SGCZ: variants seen among roughly 807,000 people sequenced by gnomAD.
SGCZ encodes sarcoglycan zeta.
SGCZ carries 40 observed loss-of-function variants against 41.3 expected under a neutral mutation model. That is an observed-to-expected ratio of 0.97 (90% CI 0.75 to 1.26). The LOEUF is 1.26. Ranked by LOEUF, SGCZ falls within the 50% of genes most tolerant of loss-of-function variation. The probability of loss-of-function intolerance (pLI) is 0.00; values close to 1 mark genes in which losing one functional copy is unlikely to be tolerated. For missense variants in SGCZ, 552 were observed against 369.8 expected (o/e 1.49, Z -4.04); for synonymous variants, 206 against 137.5 (o/e 1.50, Z -3.49).
At chr8:14,629,780 T>C (rs573457788) in intron 1 of SGCZ, among the ~76,000 whole-genome samples, 81 of 152,172 alleles carry the variant, frequency 5.3e-4, no homozygotes, top group African/African-American at 1.8e-3. Context: ...ATCTGGAAAA[T>C]CATGTTAACT....
chr8:15,038,985 T>A (rs905455750), intron 1 of SGCZ, among the ~76,000 whole-genome samples: 3 of 151,960 alleles, frequency 2.0e-5, no homozygotes, highest in African/African-American at 7.2e-5. Context: ...AAGATAAACG[T>A]TGGTGAGAAT....
At chr8:15,102,450 G>A (rs962746918) in intron 1 of SGCZ, among the ~76,000 whole-genome samples, 2 of 152,154 alleles carry the variant, frequency 1.3e-5, no homozygotes, top group African/African-American at 2.4e-5. Context: ...ATGAATAAAT[G>A]ACATTATGCA....
chr8:14,734,233 C>T (rs1453080289), intron 1 of SGCZ, among the ~76,000 whole-genome samples: 2 of 151,932 alleles, frequency 1.3e-5, no homozygotes, highest in Non-Finnish European at 2.9e-5. Flanking sequence ...ATTGTGTTAT[C>T]AAGATTAAAT....
intron 3 of SGCZ, among the ~76,000 whole-genome samples, chr8:14,286,963 C>T (rs1280242822): frequency 1.3e-5 from 2 of 151,856 alleles, no homozygotes; most frequent in African/African-American, 2.4e-5. Context: ...TTCTTCATTA[C>T]CAGTGAGTTT....
At chr8:14,596,097 T>G (rs991562951) in intron 1 of SGCZ, among the ~76,000 whole-genome samples, 6 of 152,232 alleles carry the variant, frequency 3.9e-5, no homozygotes, top group Non-Finnish European at 1.5e-5. Context: ...CCAGACAGGT[T>G]GTGGTCTTTA....
chr8:14,314,892 C>T (rs1384794562), intron 3 of SGCZ, among the ~76,000 whole-genome samples: 2 of 152,006 alleles, frequency 1.3e-5, no homozygotes, highest in Non-Finnish European at 2.9e-5. Flanking sequence ...GCATACAACC[C>T]CTAGAAGGAG....
chr8:14,197,782 T>C (rs578225260), intron 4 of SGCZ, among the ~76,000 whole-genome samples: 1 of 152,120 alleles, frequency 6.6e-6, no homozygotes, highest in South Asian at 2.1e-4. Flanking sequence ...CCACTTTATT[T>C]TGCATCACAC....
At chr8:14,768,747 G>A (rs1800127704) in intron 1 of SGCZ, among the ~76,000 whole-genome samples, 1 of 151,940 alleles carries the variant, frequency 6.6e-6, no homozygotes, top group East Asian at 2.0e-4. Flanking sequence ...ACAGATGGAG[G>A]AAGGGAAGAG....
chr8:14,348,872 A>G (rs1230788232), intron 2 of SGCZ, among the ~76,000 whole-genome samples: 3 of 152,140 alleles, frequency 2.0e-5, no homozygotes, highest in Admixed American at 6.6e-5. Flanking sequence ...TCTTCATTTA[A>G]TTTTTAATTT....
In SGCZ at chr8:14,890,658, T is replaced by C. The variant is rs142996061; in HGVS notation, c.40-335732A>G. Among the ~76,000 whole-genome samples the C allele has an allele frequency of 4.9e-3, 747 of 152,308 alleles. 5 individuals are homozygous for C. The highest frequency in any genetic ancestry group is 0.024 in the East Asian group (122 of 5,176). The stretch of plus-strand genomic sequence containing the variant: ...AGCTATCCAGAAGATCTAGTGAGGA[T>C]AATTGATGAAAGTGGCTATTTTTAT... On this transcript the variant is annotated intron_variant, in intron 1 of 7. Coordinates refer to ENST00000382080, the MANE Select transcript of SGCZ (RefSeq NM_139167.4).
At chr8:14,189,169 CTTCT>C (rs1805010961) in intron 4 of SGCZ, among the ~76,000 whole-genome samples, 1 of 151,904 alleles carries the variant, frequency 6.6e-6, no homozygotes, top group African/African-American at 2.4e-5. Context: ...CCTCTTGTGT[CTTCT>C]TTGTCAAAAC....
chr8:15,038,499 AC>A (rs1304868104), intron 1 of SGCZ, among the ~76,000 whole-genome samples: 2 of 151,458 alleles, frequency 1.3e-5, no homozygotes, highest in African/African-American at 4.8e-5. Context: ...GAACTATAAA[AC>A]TACTAGAAAA....
At chr8:14,446,149 T>C (rs933653130) in intron 2 of SGCZ, among the ~76,000 whole-genome samples, 1 of 152,166 alleles carries the variant, frequency 6.6e-6, no homozygotes, top group Non-Finnish European at 1.5e-5. Context: ...CTCAGGCATA[T>C]ATACCACCAG....
chr8:14,424,650 T>A (rs1318890496), intron 2 of SGCZ, among the ~76,000 whole-genome samples: 1 of 152,212 alleles, frequency 6.6e-6, no homozygotes, highest in Non-Finnish European at 1.5e-5. Context: ...CATATTTACA[T>A]GCATGCCGTT....
intron 1 of SGCZ, among the ~76,000 whole-genome samples, chr8:15,136,916 C>A (rs953005868): frequency 6.6e-6 from 1 of 152,182 alleles, no homozygotes; most frequent in Non-Finnish European, 1.5e-5. Flanking sequence ...GAACTGGGTA[C>A]TAAAGGCAGA....
chr8:14,261,839 A>G (rs1258095019), intron 3 of SGCZ, among the ~76,000 whole-genome samples: 1 of 152,182 alleles, frequency 6.6e-6, no homozygotes, highest in Non-Finnish European at 1.5e-5. Flanking sequence ...ATTAAAAACT[A>G]ACTGGGCATT....
intron 1 of SGCZ, among the ~76,000 whole-genome samples, chr8:14,700,648 T>C (rs922826364): frequency 6.6e-6 from 1 of 152,024 alleles, no homozygotes; most frequent in Non-Finnish European, 1.5e-5. Context: ...AATTTAATAC[T>C]ATATTCATAT....
At chr8:14,924,620 C>A (rs1585383318) in intron 1 of SGCZ, among the ~76,000 whole-genome samples, 1 of 151,800 alleles carries the variant, frequency 6.6e-6, no homozygotes, top group East Asian at 1.9e-4. Flanking sequence ...AACTAGTGTT[C>A]ATGGTGGGCA....
chr8:14,562,751 G>T (rs1804244017), intron 1 of SGCZ, among the ~76,000 whole-genome samples: 2 of 152,056 alleles, frequency 1.3e-5, no homozygotes, highest in Non-Finnish European at 1.5e-5. Context: ...GTGTCTGGGG[G>T]TCTTGTATTG....
Sources: allele counts gnomAD v4.1 joint callset (sites outside exome capture counted in the v4.1 genomes callset), GRCh38; gene constraint gnomAD v4.1.1; transcripts MANE v1.5; gene names NCBI Gene and HGNC (gene_info 2026-07-23, HGNC 2026-07-21).